The following RPS6KA2 variants were observed in gnomAD, a reference collection of about 807,000 sequenced individuals.
The protein encoded by RPS6KA2 is ribosomal protein S6 kinase alpha-2.
In RPS6KA2, 42 loss-of-function variants were observed where a neutral mutation model predicts 91.8. That is an observed-to-expected ratio of 0.46 (90% CI 0.36 to 0.59). The LOEUF (loss-of-function observed/expected upper bound fraction) is 0.59, where lower values mean the gene tolerates loss of function less well. Among genes scored for constraint, RPS6KA2 ranks in the 20% least tolerant of loss-of-function variants. The probability of loss-of-function intolerance (pLI) is 0.00; values close to 1 mark genes in which losing one functional copy is unlikely to be tolerated. For missense variants in RPS6KA2, 798 were observed against 978.5 expected, an observed-to-expected ratio of 0.82 and a Z score of 2.46; for synonymous variants, 414 against 393.6, an observed-to-expected ratio of 1.05 and a Z score of -0.61.
At chr6:166,858,575 G>C (rs971065644) in intron 1 of RPS6KA2, among the ~76,000 whole-genome samples, 4 of 152,232 alleles carry the variant, frequency 2.6e-5, no homozygotes, top group Non-Finnish European at 4.4e-5. Context: ...GGTGATTCTT[G>C]CCAGTGGAGA....
At chr6:166,545,956 C>T (rs1783812420) in intron 1 of RPS6KA2, among the ~76,000 whole-genome samples, 1 of 152,268 alleles carries the variant, frequency 6.6e-6, no homozygotes, top group South Asian at 2.1e-4. Context: ...GTCCTGACAT[C>T]GGCCATTCTG....
intron 2 of RPS6KA2, among the ~76,000 whole-genome samples, chr6:166,638,160 G>A (rs944175404): frequency 1.3e-5 from 2 of 152,258 alleles, no homozygotes; most frequent in South Asian, 2.1e-4. Flanking sequence ...ATGCTTTCTA[G>A]AGGAATCTGC....
intron 2 of RPS6KA2, among the ~76,000 whole-genome samples, chr6:166,749,944 G>C (rs1791224395): frequency 6.6e-6 from 1 of 151,716 alleles, no homozygotes; most frequent in Non-Finnish European, 1.5e-5. Context: ...ACTGAGTGAG[G>C]AAAACAGAGA....
chr6:166,672,578 T>C (rs985761041), intron 2 of RPS6KA2, among the ~76,000 whole-genome samples: 1 of 152,230 alleles, frequency 6.6e-6, no homozygotes, highest in African/African-American at 2.4e-5. Context: ...TCTTGGTTTC[T>C]AGATTTCTGA....
At position 166,627,204 on chromosome 6, in the gene RPS6KA2, G is replaced by C. The variant is rs1463129643; in HGVS notation, c.-185C>G. The C allele has an allele frequency of 1.9e-6, 2 of 1,039,600 alleles. No individual in the cohort carries two copies. Among genetic ancestry groups the C allele is most frequent in the African/African-American group, 1.7e-5 (1 of 58,540 alleles). 64.4% of individuals were successfully genotyped at this position (1,039,600 alleles called of 1,614,324 possible). A position where few individuals can be genotyped will look rare whatever the true frequency, so the allele number is the denominator to read the frequency against. ...GCAGGCCGCGCCGGCCACCGCGGCC[G>C]GGGCCACAATCGCTCCCTCCGCCTC... On this transcript the variant is annotated 5_prime_UTR_variant, in exon 1 of 21. Coordinates refer to ENST00000265678, the MANE Select transcript of RPS6KA2 (RefSeq NM_021135.6).
intron 12 of RPS6KA2, among the ~76,000 whole-genome samples, chr6:166,455,251 GCAT>G (rs1175102803): frequency 6.6e-6 from 1 of 152,096 alleles, no homozygotes; most frequent in Non-Finnish European, 1.5e-5. Flanking sequence ...TTGTTTCTTA[GCAT>G]CATATTTTGG....
intron 2 of RPS6KA2, among the ~76,000 whole-genome samples, chr6:166,793,449 A>G (rs979742164): frequency 1.3e-5 from 2 of 150,644 alleles, no homozygotes; most frequent in Admixed American, 1.3e-4. Context: ...TATAGATTCA[A>G]TGCCATCCCC....
At chr6:166,668,125 G>T (rs1042212260) in intron 2 of RPS6KA2, among the ~76,000 whole-genome samples, 1 of 152,214 alleles carries the variant, frequency 6.6e-6, no homozygotes, top group African/African-American at 2.4e-5. Flanking sequence ...TGACACAAAC[G>T]AGCAGGAACA....
chr6:166,790,015 T>C (rs1482057608), intron 2 of RPS6KA2, among the ~76,000 whole-genome samples: 1 of 152,194 alleles, frequency 6.6e-6, no homozygotes, highest in African/African-American at 2.4e-5. Context: ...GGACGGAGAA[T>C]GACTTTGACG....
In RPS6KA2 at chr6:166,583,564, G is replaced by T. The variant is rs565403586; in HGVS notation, c.99+43357C>A. 3.3e-5 allele frequency among the ~76,000 whole-genome samples: 5 copies of T among 152,344 alleles called. No homozygotes were observed. The East Asian group carries it at 9.6e-4, about 29-fold the overall frequency. ...TCTACACCAGGGTTCCCCACCCACT[G>T]TCCAGAGGTGACAAAGGAGAGACGC... On this transcript the variant is annotated intron_variant, in intron 1 of 20. Transcript: ENST00000265678.
At chr6:166,720,152 T>C (rs1790132057) in intron 2 of RPS6KA2, among the ~76,000 whole-genome samples, 1 of 152,160 alleles carries the variant, frequency 6.6e-6, no homozygotes. Context: ...CATTGTAAAG[T>C]GGGCATCTTT....
chr6:166,545,916 C>T (rs552882085), intron 1 of RPS6KA2, among the ~76,000 whole-genome samples: 4 of 152,180 alleles, frequency 2.6e-5, no homozygotes, highest in Non-Finnish European at 4.4e-5. Flanking sequence ...AGTGGAGAGC[C>T]AGGGCTTCCT....
intron 1 of RPS6KA2, among the ~76,000 whole-genome samples, chr6:166,571,205 G>C (rs1307867594): frequency 2.6e-5 from 4 of 152,166 alleles, no homozygotes; most frequent in African/African-American, 7.2e-5. Context: ...AGGGATACCG[G>C]GGAAACTGCC....
intron 2 of RPS6KA2, among the ~76,000 whole-genome samples, chr6:166,850,877 A>G (rs988220818): frequency 1.3e-5 from 2 of 152,168 alleles, no homozygotes; most frequent in African/African-American, 4.8e-5. Context: ...AGGCCTGAAC[A>G]GAAGGAAGGG....
intron 2 of RPS6KA2, among the ~76,000 whole-genome samples, chr6:166,634,420 C>T (rs1787172149): frequency 6.6e-6 from 1 of 152,196 alleles, no homozygotes; most frequent in African/African-American, 2.4e-5. Context: ...CCCCCTTCCT[C>T]ATCCCTCCAT....
chr6:166,770,787 C>G lies in RPS6KA2; in HGVS notation c.123+87413G>C. 1.4e-6 allele frequency: 2 copies of G among 1,383,306 alleles called. No homozygotes were observed. 85.7% of individuals were successfully genotyped at this position (1,383,306 alleles called of 1,614,324 possible). On this transcript the variant is annotated intron_variant, in intron 2 of 21. Coordinates refer to the RPS6KA2 transcript ENST00000503859. This position sits in a 1 kb window ranked among gnomAD's most constrained non-coding sequence, Gnocchi z 5.1. ...AAACAACTCAATAAATTGAAAAAGA[C>G]TTCATGTTTAACTTAAAAAAAAAAT...
At chr6:166,484,040 C>A (rs1165772117) in intron 10 of RPS6KA2, among the ~76,000 whole-genome samples, 1 of 152,224 alleles carries the variant, frequency 6.6e-6, no homozygotes, top group African/African-American at 2.4e-5. Context: ...TGCATCTGAG[C>A]AGGCACTGCG....
At chr6:166,839,482 A>G (rs1309593321) in intron 2 of RPS6KA2, among the ~76,000 whole-genome samples, 1 of 151,600 alleles carries the variant, frequency 6.6e-6, no homozygotes, top group Admixed American at 6.6e-5. Flanking sequence ...AGACATTAGA[A>G]TAAGGGGGAA....
At position 166,803,232 on chromosome 6, in the gene RPS6KA2, C is replaced by T. The variant is rs543927493; in HGVS notation, c.123+54968G>A. The stretch of plus-strand genomic sequence containing the variant: ...TTCCACTGGTAAAGTGTGCAAGAAG[C>T]GATCTTTTTAGAAGTTTGCTCTTTG... On this transcript the variant is annotated intron_variant, in intron 2 of 21. Transcript: ENST00000503859. Among the ~76,000 whole-genome samples, 11 of 152,242 alleles carry T rather than the reference C, an allele frequency of 7.2e-5. No homozygotes were observed. In the South Asian group the frequency reaches 8.3e-4, roughly 11 times the overall value.
Sources: allele counts gnomAD v4.1 joint callset (sites outside exome capture counted in the v4.1 genomes callset), GRCh38; gene constraint gnomAD v4.1.1; non-coding constraint Gnocchi (gnomAD v3.1); transcripts MANE v1.5; gene names NCBI Gene and HGNC (gene_info 2026-07-23, HGNC 2026-07-21).